Variants in SACS observed in about 807,000 individuals in gnomAD.
SACS encodes sacsin molecular chaperone.
A neutral mutation model predicts 348.0 loss-of-function variants in SACS; 197 were observed. The ratio of observed to expected loss-of-function variants is 0.57; its 90% CI spans 0.50 to 0.64. The LOEUF (loss-of-function observed/expected upper bound fraction) is 0.64. Ranked by LOEUF, SACS falls within the 30% of genes least tolerant of loss-of-function variation. SACS has a pLI of 0.00. For synonymous variants in SACS, 1,985 were observed against 1,910.6 expected, an observed-to-expected ratio of 1.04 and a Z score of -1.02; for missense variants, 4,999 against 5,360.8, an observed-to-expected ratio of 0.93 and a Z score of 2.11.
intron 2 of SACS, chr13:23,375,574 A>T (rs1566092326): frequency 2.0e-6 from 2 of 1,020,380 alleles, no homozygotes; most frequent in Non-Finnish European, 2.3e-6. Flanking sequence ...CTCCCGGCCC[A>T]CTCCCGGCCC....
At position 23,376,101 on chromosome 13, in the gene SACS, G is replaced by A. The variant is rs936907627; in HGVS notation, c.21-832C>T. On this transcript the variant is annotated intron_variant, in intron 2 of 9. Transcript: ENST00000382292. The stretch of plus-strand genomic sequence containing the variant: ...GTGGCTCAGTTTGCTGGAGGAAAGA[G>A]AGCCAGCAGCAAAGTAAGATCAGAA... Among the ~76,000 whole-genome samples, 9 of 152,120 alleles carry A rather than the reference G, an allele frequency of 5.9e-5. No homozygotes were observed. The South Asian group carries it at 6.2e-4, about 11-fold the overall frequency.
In SACS at chr13:23,333,703, G is replaced by A; in HGVS notation, c.10173C>T (p.Phe3391=). ...ACATCAAATGATTCAAATTGCAGTTGAAATACATCAAAAGTGCCTCAAAAT... is the reference window on the plus strand; with the variant it reads ...ACATCAAATGATTCAAATTGCAGTTAAAATACATCAAAAGTGCCTCAAAAT... ...ENDFEALLMY[F]NCNLNHLMSQ... is the part of the protein sequence containing the mutation. Residue 3391 remains phenylalanine (F), a synonymous_variant, in exon 10 of 10, where the codon TTC becomes TTT. Coordinates refer to ENST00000382292, the MANE Select transcript of SACS (RefSeq NM_014363.6). The A allele has an allele frequency of 6.2e-7, 1 of 1,613,732 alleles. No homozygotes were observed. Among genetic ancestry groups the A allele is most frequent in the Non-Finnish European group, 8.5e-7 (1 of 1,179,718 alleles).
chr13:23,338,512 G>A lies in SACS; in HGVS notation c.5364C>T (p.Asp1788=), dbSNP rs770178890. The A allele has an allele frequency of 3.7e-6, 6 of 1,614,150 alleles. No individual in the cohort carries two copies. The highest frequency in any genetic ancestry group is 4.5e-5 in the East Asian group (2 of 44,880). ...QSPLFRGPDD[D]PAALFEMAKS... is the part of the protein sequence containing the mutation. ...TAGCCATTTCAAAGAGAGCAGCTGGGTCATCATCTGGACCTCTAAAAAGTG... is the reference window on the plus strand; with the variant it reads ...TAGCCATTTCAAAGAGAGCAGCTGGATCATCATCTGGACCTCTAAAAAGTG... The change falls in exon 10 of 10, where the codon GAC becomes GAT. Residue 1788 remains aspartate, a synonymous_variant. Transcript: ENST00000382292.
At chr13:23,387,485 A>C (rs2137885828) in intron 2 of SACS, among the ~76,000 whole-genome samples, 1 of 151,694 alleles carries the variant, frequency 6.6e-6, no homozygotes, top group South Asian at 2.1e-4. Flanking sequence ...AAAAAAAAAA[A>C]AGTCTGTGAA....
intron 1 of SACS, among the ~76,000 whole-genome samples, chr13:23,414,262 C>A (rs1285528831): frequency 1.3e-5 from 2 of 152,186 alleles, no homozygotes; most frequent in East Asian, 3.8e-4. Context: ...AGAGATCGCA[C>A]CACTGCACTC....
rs1275265246 is a variant in SACS at position 23,340,908 on chromosome 13, T to C, written c.2968A>G (p.Ser990Gly). ...MLKIEQLKTT[S>G]CLKLVLKDIE... is the part of the protein sequence containing the mutation. ...TCTTTTAAAACAAGCTTTAAGCAGC[T>C]AGTGGTCTTTAACTGTTCTATTTTC... Residue 990 changes from serine (S) to glycine (G), a missense_variant, in exon 10 of 10, where the codon AGC becomes GGC. Physicochemically the swap from Ser to Gly is moderately conservative, Grantham distance 56 (BLOSUM62 0). This residue lies in a region of SACS where 3,156 missense variants were observed against 3,380.1 expected (regional missense o/e 0.93). Transcript: ENST00000382292. 1.9e-6 allele frequency: 3 copies of C among 1,613,600 alleles called. No individual in the cohort carries two copies. The highest frequency in any genetic ancestry group is 2.2e-5 in the South Asian group (2 of 91,078).
At position 23,405,682 on chromosome 13, in the gene SACS, TAAAC is replaced by T. The variant is rs573979772; in HGVS notation, c.20+5534_20+5537del. 2.0e-5 allele frequency among the ~76,000 whole-genome samples: 3 copies of T among 150,724 alleles called. No homozygotes were observed. In the East Asian group the frequency reaches 5.8e-4, roughly 29 times the overall value. ...TAATATCCAGAATCTACAAGGAACT[TAAAC>T]AAATCTACAAGGAAAAAAAAAACCC... On this transcript the variant is annotated intron_variant, in intron 2 of 9. Coordinates refer to ENST00000382292, the MANE Select transcript of SACS (RefSeq NM_014363.6).
At chr13:23,375,002 C>G in intron 3 of SACS, 117 bp downstream of exon 3, 1 of 1,066,174 alleles carries the variant, frequency 9.4e-7, no homozygotes, top group Non-Finnish European at 1.2e-6. Context: ...CAGGCGGCCA[C>G]GCTGCCGGAG....
In SACS at chr13:23,331,909, A is replaced by T. The variant is rs764921350; in HGVS notation, c.11967T>A (p.Val3989=). Residue 3989 remains valine (V), a synonymous_variant, in exon 10 of 10, where the codon GTT becomes GTA. Transcript: ENST00000382292. ...EEQLDEETPK[V]CQFGALCSLQ... is the part of the protein sequence containing the mutation. ...GAGAACACAACGCTCCAAACTGACA[A>T]ACTTTGGGAGTCTCTTCATCTAATT... is the stretch of plus-strand genomic sequence containing the variant. 6.2e-7 allele frequency: 1 copy of T among 1,614,066 alleles called. No individual in the cohort carries two copies.
At chr13:23,358,806 T>C (rs905270263) in intron 6 of SACS, among the ~76,000 whole-genome samples, 8 of 152,216 alleles carry the variant, frequency 5.3e-5, no homozygotes, top group African/African-American at 1.9e-4. Context: ...AATAGTATAT[T>C]TAAATCTTTT....
intron 2 of SACS, among the ~76,000 whole-genome samples, chr13:23,396,644 T>C (rs1251319490): frequency 6.6e-6 from 1 of 152,178 alleles, no homozygotes; most frequent in Non-Finnish European, 1.5e-5. Flanking sequence ...ACTTCATATA[T>C]ATCAAACAAG....
chr13:23,407,557 T>G (rs1051918810), intron 2 of SACS, among the ~76,000 whole-genome samples: 2 of 152,136 alleles, frequency 1.3e-5, no homozygotes, highest in African/African-American at 4.8e-5. Context: ...GCAAATATCC[T>G]CTATCACCAA....
intron 6 of SACS, among the ~76,000 whole-genome samples, chr13:23,359,826 G>T (rs1054712841): frequency 6.6e-6 from 1 of 152,000 alleles, no homozygotes; most frequent in African/African-American, 2.4e-5. Flanking sequence ...AGGTATATAG[G>T]GCACTCCCAG....
In SACS at chr13:23,379,328, T is replaced by C. The variant is rs114771936; in HGVS notation, c.21-4059A>G. ...GAAGCACCTACTCAGTGCCAGGCAC[T>C]GGTGTCCCGACAAAGAAGCCTGGTG... On this transcript the variant is annotated intron_variant, in intron 2 of 9. Transcript: ENST00000382292. Among the ~76,000 whole-genome samples the C allele has an allele frequency of 6.4e-3, 980 of 152,310 alleles. 12 individuals are homozygous for C. Among genetic ancestry groups the C allele is most frequent in the African/African-American group, 0.022 (934 of 41,570 alleles).
intron 2 of SACS, among the ~76,000 whole-genome samples, chr13:23,404,480 A>G (rs929387681): frequency 6.6e-6 from 1 of 152,216 alleles, no homozygotes; most frequent in East Asian, 1.9e-4. Flanking sequence ...TGAATGGGCA[A>G]AAGCTGGAAG....
Position 23,411,412 on chromosome 13 carries a change from G to T in SACS, c.-173C>A, listed in dbSNP as rs139517739. 2.7e-4 allele frequency: 178 copies of T among 659,888 alleles called. No individual in the cohort carries two copies. Among genetic ancestry groups the T allele is most frequent in the African/African-American group, 2.6e-3 (144 of 55,560 alleles). 40.9% of individuals were successfully genotyped at this position (659,888 alleles called of 1,614,324 possible). A position where few individuals can be genotyped will look rare whatever the true frequency, so the allele number is the denominator to read the frequency against. On this transcript the variant is annotated 5_prime_UTR_variant, in exon 2 of 10. In the 5' UTR this introduces an upstream ATG that the reference lacks. Coordinates refer to ENST00000382292, the MANE Select transcript of SACS (RefSeq NM_014363.6). ...AGTGTCCATTCATCATCTGATGTCAGGAAACATTGTCGTGTGTTGCATTTG... is the reference window on the plus strand; with the variant it reads ...AGTGTCCATTCATCATCTGATGTCATGAAACATTGTCGTGTGTTGCATTTG...
chr13:23,427,329 T>G (rs1413010278), intron 1 of SACS: 3 of 152,248 alleles, frequency 2.0e-5, no homozygotes, highest in Non-Finnish European at 4.4e-5. Context: ...CAATCAGTGC[T>G]GTCCAGCAGC....
chr13:23,400,621 C>T (rs989570463), intron 2 of SACS, among the ~76,000 whole-genome samples: 73 of 152,244 alleles, frequency 4.8e-4, no homozygotes, highest in African/African-American at 1.7e-3. Context: ...ACGGTTTCAC[C>T]GTGTTAGCCA....
At chr13:23,410,606 A>G (rs923652040) in intron 2 of SACS, among the ~76,000 whole-genome samples, 3 of 152,216 alleles carry the variant, frequency 2.0e-5, no homozygotes, top group Non-Finnish European at 4.4e-5. Flanking sequence ...TTCAGAATTA[A>G]TGAAAGAGTA....
Sources: allele counts gnomAD v4.1 joint callset (sites outside exome capture counted in the v4.1 genomes callset), GRCh38; gene constraint gnomAD v4.1.1; regional missense constraint gnomAD v4.1.1; transcripts MANE v1.5; gene names NCBI Gene and HGNC (gene_info 2026-07-23, HGNC 2026-07-21).